The following LCN2 variants were observed in gnomAD, a reference collection of about 807,000 sequenced individuals.
LCN2 encodes lipocalin 2.
Under a neutral mutation model 26.4 loss-of-function variants are expected in LCN2, and 27 were observed. The ratio of observed to expected loss-of-function variants is 1.02; its 90% confidence interval spans 0.76 to 1.41. The LOEUF (loss-of-function observed/expected upper bound fraction) is 1.41. Ranked by LOEUF, LCN2 falls within the 40% of genes most tolerant of loss-of-function variation. The pLI is 0.00. For missense variants in LCN2, 224 were observed against 237.6 expected (o/e 0.94, Z 0.38); for synonymous variants, 94 against 98.9 (o/e 0.95, Z 0.30).
chr9:128,151,787 G>C (rs548592990), intron 3 of LCN2, 70 bp downstream of exon 3: 1 of 1,587,396 alleles, frequency 6.3e-7, no homozygotes, highest in African/African-American at 1.3e-5. Context: ...AGACCTTCCT[G>C]CCCCTCCACA....
At chr9:128,151,240 G>C (rs777748415) in intron 2 of LCN2, among the ~76,000 whole-genome samples, 1 of 152,016 alleles carries the variant, frequency 6.6e-6, no homozygotes, top group African/African-American at 2.4e-5. Context: ...TGGAAGTACC[G>C]AGGTGGATCC....
rs1314968076 is a variant in LCN2 at position 128,153,153 on chromosome 9, G to C, written c.*7+27G>C. 1 of 1,613,840 alleles carries C rather than the reference G, an allele frequency of 6.2e-7. No homozygotes were observed. Among genetic ancestry groups the C allele is most frequent in the Non-Finnish European group, 8.5e-7 (1 of 1,179,936 alleles). On this transcript the variant is annotated intron_variant, in intron 6 of 6. Transcript: ENST00000277480. The surrounding 1 kb of genome is among the most constrained non-coding windows in gnomAD (Gnocchi z 5.4). The stretch of plus-strand genomic sequence containing the variant: ...TGAGTGTGGCTGGGCGGCTGCGAGG[G>C]GGCTTGTGGGAGGCCAGGGTGCAGT...
chr9:128,150,454 T>C, intron 2 of LCN2, 80 bp downstream of exon 2: 1 of 1,563,468 alleles, frequency 6.4e-7, no homozygotes, highest in South Asian at 1.1e-5. Context: ...AGGGATCCTG[T>C]CGTTCACCTC....
chr9:128,151,770 G>A, intron 3 of LCN2, 53 bp downstream of exon 3: 1 of 1,596,308 alleles, frequency 6.3e-7, no homozygotes, highest in Non-Finnish European at 8.6e-7. Context: ...GAGCTGGGTA[G>A]GGGCACAGAC....
intron 1 of LCN2, 114 bp from the exon 2 acceptor site, chr9:128,150,124 G>C (rs1388973214): frequency 7.2e-7 from 1 of 1,398,478 alleles, no homozygotes; most frequent in Non-Finnish European, 9.7e-7. Context: ...CTGCTGCCCA[G>C]CTAGAGGGGC....
At position 128,153,379 on chromosome 9, in the gene LCN2, C is replaced by T. The variant is rs1829160169; in HGVS notation, c.*76C>T. ...CTGGGAGACCCTCCCCACAGTGCCACCCATGCAGCTGCTCCCCAGGCCACC... is the reference window on the plus strand; with the variant it reads ...CTGGGAGACCCTCCCCACAGTGCCATCCATGCAGCTGCTCCCCAGGCCACC... On this transcript the variant is annotated 3_prime_UTR_variant, in exon 7 of 7. Coordinates refer to ENST00000277480, the MANE Select transcript of LCN2 (RefSeq NM_005564.5). This position sits in a 1 kb window ranked among gnomAD's most constrained non-coding sequence, Gnocchi z 5.4. 3 of 574,756 alleles carry T rather than the reference C, an allele frequency of 5.2e-6. No homozygotes were observed. Among genetic ancestry groups the T allele is most frequent in the Non-Finnish European group, 9.4e-6 (3 of 320,062 alleles). 35.6% of individuals were successfully genotyped at this position (574,756 alleles called of 1,614,324 possible). A position where few individuals can be genotyped will look rare whatever the true frequency, so the allele number is the denominator to read the frequency against.
intron 5 of LCN2, 127 bp from the exon 6 acceptor site, chr9:128,152,973 G>A: frequency 7.7e-7 from 1 of 1,304,726 alleles, no homozygotes; most frequent in Non-Finnish European, 1.1e-6. Context: ...TTCTGCAGCT[G>A]GGCCAGGTGG....
intron 4 of LCN2, 31 bp downstream of exon 4, chr9:128,152,056 G>T (rs955645660): frequency 1.2e-6 from 2 of 1,613,734 alleles, no homozygotes; most frequent in East Asian, 2.2e-5. Flanking sequence ...TCGGGGACTG[G>T]CTCCTGATCA....
Position 128,151,652 on chromosome 9 carries a change from A to C in LCN2, c.290A>C (p.Asp97Ala), listed in dbSNP as rs775800328. Reference protein sequence around the residue: ...TSVLFRKKKCDYWIRTFVPGC... With the variant: ...TSVLFRKKKCAYWIRTFVPGC... The stretch of plus-strand genomic sequence containing the variant: ...TCCCTCCCAAGGAAAAAGAAGTGTG[A>C]CTACTGGATCAGGACTTTTGTTCCA... The change falls in exon 3 of 7, where the codon GAC becomes GCC. Residue 97 changes from aspartate (D) to alanine (A), a missense_variant. By Grantham distance (126) the Asp-to-Ala change is moderately radical. Coordinates refer to ENST00000277480, the MANE Select transcript of LCN2 (RefSeq NM_005564.5). 6.2e-7 allele frequency: 1 copy of C among 1,614,022 alleles called. No homozygotes were observed. The highest frequency in any genetic ancestry group is 8.5e-7 in the Non-Finnish European group (1 of 1,179,890).
chr9:128,152,017 C>A lies in LCN2; in HGVS notation c.467C>A (p.Thr156Asn). ...CAAAACAGGGAGTACTTCAAGATCA[C>A]CCTCTACGGTGGGTCCTCTCCCATC... ...VSQNREYFKITLYGRTKELTS... is the reference protein window; with the variant it reads ...VSQNREYFKINLYGRTKELTS... Residue 156 changes from threonine (T) to asparagine (N), a missense_variant, in exon 4 of 7, where the codon ACC becomes AAC. Transcript: ENST00000277480. The A allele has an allele frequency of 6.2e-7, 1 of 1,614,118 alleles. No homozygotes were observed. The highest frequency in any genetic ancestry group is 2.2e-5 in the East Asian group (1 of 44,882).
chr9:128,152,390 C>G, intron 5 of LCN2, 106 bp downstream of exon 5: 7 of 983,940 alleles, frequency 7.1e-6, no homozygotes, highest in Non-Finnish European at 1.1e-5. Context: ...CAGCTTCAGT[C>G]ACTGGAGCAG....
chr9:128,151,757 G>A (rs200300117), intron 3 of LCN2, 40 bp downstream of exon 3: 32 of 1,599,776 alleles, frequency 2.0e-5, no homozygotes, highest in East Asian at 6.7e-5. Flanking sequence ...TTGGGGCTCC[G>A]GGGAGCTGGG....
chr9:128,151,941 G>T lies in LCN2; in HGVS notation c.391G>T (p.Val131Leu). 1 of 1,614,140 alleles carries T rather than the reference G, an allele frequency of 6.2e-7. No homozygotes were observed. The highest frequency in any genetic ancestry group is 1.7e-4 in the Middle Eastern group (1 of 6,060). Residue 131 changes from valine to leucine, a missense_variant, in exon 4 of 7, where the codon GTG becomes TTG. By Grantham distance (32) the Val-to-Leu change is conservative. Transcript: ENST00000277480. ...ATTAACGAGTTACCTCGTCCGAGTG[G>T]TGAGCACCAACTACAACCAGCATGC... ...PGLTSYLVRVVSTNYNQHAMV... is the reference protein window; with the variant it reads ...PGLTSYLVRVLSTNYNQHAMV...
At chr9:128,151,548 C>G in intron 2 of LCN2, 90 bp from the exon 3 acceptor site, 1 of 1,018,004 alleles carries the variant, frequency 9.8e-7, no homozygotes, top group South Asian at 1.3e-5. Context: ...GCAACAGAAC[C>G]CTGCTGCTGC....
rs1829156383 is a variant in LCN2 at position 128,153,032 on chromosome 9, A to ACACACACACACTCATACACG, written c.578-56_578-37dup. 35 of 1,544,434 alleles carry ACACACACACACTCATACACG rather than the reference A, an allele frequency of 2.3e-5. No individual in the cohort carries two copies. In the South Asian group the frequency reaches 3.9e-4, roughly 17 times the overall value. The stretch of plus-strand genomic sequence containing the variant: ...GCAGAGGACCTGGCAGTCAGGGATC[A>ACACACACACACTCATACACG]CACACACACACTCATACACGCACAC... On this transcript the variant is annotated intron_variant, in intron 5 of 6. Transcript: ENST00000277480. This position sits in a 1 kb window ranked among gnomAD's most constrained non-coding sequence, Gnocchi z 5.4.
chr9:128,150,918 G>A (rs920231218), intron 2 of LCN2, among the ~76,000 whole-genome samples: 4 of 152,250 alleles, frequency 2.6e-5, no homozygotes, highest in South Asian at 2.1e-4. Flanking sequence ...CTCTTGGGCC[G>A]CAGGGTGGGG....
chr9:128,150,219 T>C lies in LCN2; in HGVS notation c.139-19T>C. 1 of 1,608,830 alleles carries C rather than the reference T, an allele frequency of 6.2e-7. No homozygotes were observed. Among genetic ancestry groups the C allele is most frequent in the Non-Finnish European group, 8.5e-7 (1 of 1,177,084 alleles). On this transcript the variant is annotated intron_variant, in intron 1 of 6. Transcript: ENST00000277480. The stretch of plus-strand genomic sequence containing the variant: ...CCTAGGGCCATTCCTGGGTTGTGCC[T>C]CTTATCAGTCCCTTGCAGTTCCAGG...
chr9:128,151,644 G>T lies in LCN2; in HGVS notation c.282G>T (p.Lys94Asn), dbSNP rs781387356. The part of the protein sequence containing the change: ...YNVTSVLFRK[K>N]KCDYWIRTFV... Reference sequence around the variant, plus strand: ...CCCATCTCTCCCTCCCAAGGAAAAAGAAGTGTGACTACTGGATCAGGACTT... The same window carrying T: ...CCCATCTCTCCCTCCCAAGGAAAAATAAGTGTGACTACTGGATCAGGACTT... The change falls in exon 3 of 7, where the codon AAG becomes AAT. Residue 94 changes from lysine (K) to asparagine (N), a missense_variant. Physicochemically the swap from Lys to Asn is moderately conservative, Grantham distance 94. Transcript: ENST00000277480. The T allele has an allele frequency of 1.2e-6, 2 of 1,614,036 alleles. No homozygotes were observed. Among genetic ancestry groups the T allele is most frequent in the Non-Finnish European group, 8.5e-7 (1 of 1,179,872 alleles).
Position 128,151,935 on chromosome 9 carries a change from C to A in LCN2, c.385C>A (p.Arg129=). ...SYPGLTSYLV[R]VVSTNYNQHA... is the part of the protein sequence containing the mutation. ...CCCTGGATTAACGAGTTACCTCGTC[C>A]GAGTGGTGAGCACCAACTACAACCA... The change falls in exon 4 of 7, where the codon CGA becomes AGA. Residue 129 remains arginine (R), a synonymous_variant. Coordinates refer to ENST00000277480, the MANE Select transcript of LCN2 (RefSeq NM_005564.5). 6.2e-7 allele frequency: 1 copy of A among 1,614,092 alleles called. No individual in the cohort carries two copies. Among genetic ancestry groups the A allele is most frequent in the Non-Finnish European group, 8.5e-7 (1 of 1,179,992 alleles).
Sources: gnomAD v4.1 joint callset for allele counts (sites outside exome capture counted in the v4.1 genomes callset) on GRCh38, gnomAD v4.1.1 for gene constraint, Gnocchi (gnomAD v3.1) non-coding constraint, MANE v1.5 for transcripts, NCBI Gene and HGNC (gene_info 2026-07-23, HGNC 2026-07-21) for gene names.